HCN4: variants seen among roughly 807,000 people sequenced by gnomAD.
The protein encoded by HCN4 is hyperpolarization activated cyclic nucleotide gated potassium channel 4, also known as potassium/sodium hyperpolarization-activated cyclic nucleotide-gated channel 4.
HCN4 carries 29 observed loss-of-function variants against 76.9 expected under a neutral mutation model. That is an observed-to-expected ratio of 0.38 (90% confidence interval 0.28 to 0.51). The LOEUF (loss-of-function observed/expected upper bound fraction) is 0.51, where lower values mean the gene tolerates loss of function less well. Among genes scored for constraint, HCN4 ranks in the 20% least tolerant of loss-of-function variants. The probability of loss-of-function intolerance (pLI) is 0.90; values close to 1 mark genes in which losing one functional copy is unlikely to be tolerated. For missense variants in HCN4, 1,416 were observed against 1,715.2 expected (o/e 0.83, Z 3.08); for synonymous variants, 772 against 762.5 (o/e 1.01, Z -0.21).
At chr15:73,359,750 C>T (rs943040819) in intron 1 of HCN4, among the ~76,000 whole-genome samples, 4 of 152,198 alleles carry the variant, frequency 2.6e-5, no homozygotes, top group African/African-American at 7.2e-5. Context: ...AGCCCTGATT[C>T]TGGTCACACA....
chr15:73,325,116 G>T lies in HCN4; in HGVS notation c.1817C>A (p.Ser606Tyr). 1 of 1,614,234 alleles carries T rather than the reference G, an allele frequency of 6.2e-7. No individual in the cohort carries two copies. Among genetic ancestry groups the T allele is most frequent in the Non-Finnish European group, 8.5e-7 (1 of 1,180,044 alleles). Residue 606 changes from serine to tyrosine, a missense_variant, in exon 6 of 8, where the codon TCC becomes TAC. Transcript: ENST00000261917. The surrounding 1 kb of genome is among the most constrained non-coding windows in gnomAD (Gnocchi z 7.4). ...FANADPNFVT[S>Y]MLTKLRFEVF... ...CTCGAAACGCAGCTTGGTCAGCATGGACGTCACGAAGTTGGGGTCCGCATT... is the reference window on the plus strand; with the variant it reads ...CTCGAAACGCAGCTTGGTCAGCATGTACGTCACGAAGTTGGGGTCCGCATT...
At chr15:73,323,986 G>A in intron 7 of HCN4, 37 bp from the exon 8 acceptor site, 1 of 1,610,024 alleles carries the variant, frequency 6.2e-7, no homozygotes, top group Non-Finnish European at 8.5e-7. Flanking sequence ...TCAGGGCAGA[G>A]CGGGGAAGGA....
chr15:73,343,316 C>G lies in HCN4; in HGVS notation c.1209+69G>C. Reference sequence around the variant, plus strand: ...AGCCTATGTTCAATTATCTGAGGTTCCCTGCCAGTTCCTCACTCCCTCTGT... The same window carrying G: ...AGCCTATGTTCAATTATCTGAGGTTGCCTGCCAGTTCCTCACTCCCTCTGT... On this transcript the variant is annotated intron_variant, in intron 2 of 7. Transcript: ENST00000261917. The surrounding 1 kb of genome is among the most constrained non-coding windows in gnomAD (Gnocchi z 5.7). 2.7e-6 allele frequency: 4 copies of G among 1,475,800 alleles called. No homozygotes were observed. Among genetic ancestry groups the G allele is most frequent in the Non-Finnish European group, 3.8e-6 (4 of 1,064,756 alleles). The allele number at this position is 1,475,800 out of a possible 1,614,324, so 91.4% of individuals were successfully genotyped here. A position where few individuals can be genotyped will look rare whatever the true frequency, so the allele number is the denominator to read the frequency against.
In HCN4 at chr15:73,325,436, C is replaced by T. The variant is rs1555475630; in HGVS notation, c.1599G>A (p.Gln533=). ...SRRQYQEKYK[Q]VEQYMSFHKL... ...TGTGAAAGGACATGTACTGCTCCAC[C>T]TGCTTGTACTGAGGCCGGGAGAAGG... Residue 533 remains glutamine, a synonymous_variant, in exon 5 of 8, where the codon CAG becomes CAA. Coordinates refer to ENST00000261917, the MANE Select transcript of HCN4 (RefSeq NM_005477.3). The surrounding 1 kb of genome is among the most constrained non-coding windows in gnomAD (Gnocchi z 7.4). 1.9e-6 allele frequency: 3 copies of T among 1,614,108 alleles called. No individual in the cohort carries two copies. In the East Asian group the frequency reaches 6.7e-5, roughly 36 times the overall value.
intron 1 of HCN4, among the ~76,000 whole-genome samples, chr15:73,364,949 A>C (rs1263927669): frequency 6.6e-6 from 1 of 152,216 alleles, no homozygotes; most frequent in East Asian, 1.9e-4. Context: ...TTCTTTATTA[A>C]ACCAGTTCTG....
At position 73,354,444 on chromosome 15, in the gene HCN4, T is replaced by C. The variant is rs60596031; in HGVS notation, c.786-10636A>G. Among the ~76,000 whole-genome samples, 1,050 of 152,298 alleles carry C rather than the reference T, an allele frequency of 6.9e-3. 11 individuals carry two copies. The highest frequency in any genetic ancestry group is 0.024 in the African/African-American group (987 of 41,554). On this transcript the variant is annotated intron_variant, in intron 1 of 7. Coordinates refer to ENST00000261917, the MANE Select transcript of HCN4 (RefSeq NM_005477.3). Reference sequence around the variant, plus strand: ...TGTGCACACACATCACCTGGGGACTTTCTGAGCTGCAGACCTGGTGGACTT... The same window carrying C: ...TGTGCACACACATCACCTGGGGACTCTCTGAGCTGCAGACCTGGTGGACTT...
At chr15:73,338,873 G>A (rs2042981624) in intron 2 of HCN4, among the ~76,000 whole-genome samples, 1 of 152,200 alleles carries the variant, frequency 6.6e-6, no homozygotes, top group Non-Finnish European at 1.5e-5. Flanking sequence ...GTCATGCCGG[G>A]TCCCATCCTG....
At chr15:73,326,090 C>A (rs189866825) in intron 4 of HCN4, among the ~76,000 whole-genome samples, 11 of 151,986 alleles carry the variant, frequency 7.2e-5, no homozygotes, top group African/African-American at 1.2e-4. Context: ...GGGGCTCAAA[C>A]AAATAAGAAA....
rs1472904884 is a variant in HCN4 at position 73,367,339 on chromosome 15, G to A, written c.785+147C>T. Reference sequence around the variant, plus strand: ...AGCGCGGTGCAGGAGGGGGCCTGGGGGTGTCTCGGAGCCTAGAGGCGCCCT... The same window carrying A: ...AGCGCGGTGCAGGAGGGGGCCTGGGAGTGTCTCGGAGCCTAGAGGCGCCCT... On this transcript the variant is annotated intron_variant, in intron 1 of 7. Transcript: ENST00000261917. This position sits in a 1 kb window ranked among gnomAD's most constrained non-coding sequence, Gnocchi z 7.5. The A allele has an allele frequency of 2.4e-5, 30 of 1,233,688 alleles. No homozygotes were observed. The highest frequency in any genetic ancestry group is 3.3e-5 in the Non-Finnish European group (29 of 889,576). 76.4% of individuals were successfully genotyped at this position (1,233,688 alleles called of 1,614,324 possible).
Position 73,368,090 on chromosome 15 carries a change from C to T in HCN4, c.181G>A (p.Ala61Thr). The change falls in exon 1 of 8, where the codon GCC becomes ACC. Residue 61 changes from alanine to threonine, a missense_variant. Ala to Thr is a moderately conservative substitution (Grantham distance 58). Transcript: ENST00000261917. The surrounding 1 kb of genome is among the most constrained non-coding windows in gnomAD (Gnocchi z 6.9). Reference sequence around the variant, plus strand: ...CTCCGGGACTCCGTGCCACCCGCGGCCGCCGAGGGGGAGGGCGAGGGCAGT... The same window carrying T: ...CTCCGGGACTCCGTGCCACCCGCGGTCGCCGAGGGGGAGGGCGAGGGCAGT... ...RPLPSPSPSAAAGGTESRSSA... is the reference protein window; with the variant it reads ...RPLPSPSPSATAGGTESRSSA... The T allele has an allele frequency of 6.7e-7, 1 of 1,493,844 alleles. No individual in the cohort carries two copies. 92.5% of individuals were successfully genotyped at this position (1,493,844 alleles called of 1,614,324 possible).
intron 1 of HCN4, among the ~76,000 whole-genome samples, chr15:73,357,394 C>A (rs1007043560): frequency 6.6e-6 from 1 of 152,110 alleles, no homozygotes; most frequent in Non-Finnish European, 1.5e-5. Context: ...CCTTCCTCTG[C>A]CAATCCCAGA....
rs567805211 is a variant in HCN4 at position 73,319,886 on chromosome 15, A to G, written c.*2595T>C. ...CTGGAATTTTTTTTATTTAAATAAA[A>G]TATACAATACGGCGCATTTACCGGT... is the stretch of plus-strand genomic sequence containing the variant. On this transcript the variant is annotated 3_prime_UTR_variant, in exon 8 of 8. Coordinates refer to ENST00000261917, the MANE Select transcript of HCN4 (RefSeq NM_005477.3). The G allele has an allele frequency of 2.6e-4, 39 of 152,342 alleles. No individual in the cohort carries two copies. The highest frequency in any genetic ancestry group is 7.2e-4 in the Admixed American group (11 of 15,306). 9.4% of individuals were successfully genotyped at this position (152,342 alleles called of 1,614,324 possible). A position where few individuals can be genotyped will look rare whatever the true frequency, so the allele number is the denominator to read the frequency against.
At chr15:73,366,225 G>A (rs771411263) in intron 1 of HCN4, among the ~76,000 whole-genome samples, 1 of 152,176 alleles carries the variant, frequency 6.6e-6, no homozygotes, top group Non-Finnish European at 1.5e-5. Context: ...TTAAGCCACC[G>A]AGTGTTGTCT....
At position 73,322,778 on chromosome 15, in the gene HCN4, G is replaced by A. The variant is rs2042869247; in HGVS notation, c.3315C>T (p.Ser1105=). 2.6e-6 allele frequency: 4 copies of A among 1,556,756 alleles called. No homozygotes were observed. Among genetic ancestry groups the A allele is most frequent in the Non-Finnish European group, 3.5e-6 (4 of 1,150,050 alleles). The change falls in exon 8 of 8, where the codon TCC becomes TCT. Residue 1105 remains serine (S), a synonymous_variant. Transcript: ENST00000261917. ...QDGAQTLRRA[S]PHSSGESMAA... ...CCATGGACTCCCCTGAGGAGTGCGGGGAGGCTCTGCGGAGAGTCTGCGCCC... is the reference window on the plus strand; with the variant it reads ...CCATGGACTCCCCTGAGGAGTGCGGAGAGGCTCTGCGGAGAGTCTGCGCCC...
At chr15:73,349,941 T>C (rs978394720) in intron 1 of HCN4, among the ~76,000 whole-genome samples, 2 of 152,188 alleles carry the variant, frequency 1.3e-5, no homozygotes, top group African/African-American at 2.4e-5. Context: ...CTCCATATCA[T>C]TGACCCAGAC....
In HCN4 at chr15:73,322,930, G is replaced by A. The variant is rs1371747083; in HGVS notation, c.3163C>T (p.Pro1055Ser). 1.4e-6 allele frequency: 2 copies of A among 1,408,800 alleles called. No individual in the cohort carries two copies. Among genetic ancestry groups the A allele is most frequent in the Admixed American group, 2.8e-5 (1 of 35,322 alleles). 87.3% of individuals were successfully genotyped at this position (1,408,800 alleles called of 1,614,324 possible). A position where few individuals can be genotyped will look rare whatever the true frequency, so the allele number is the denominator to read the frequency against. Residue 1055 changes from proline to serine, a missense_variant, in exon 8 of 8, where the codon CCA becomes TCA. This residue lies in a region of HCN4 where 633 missense variants were observed against 579.8 expected (regional missense o/e 1.09). Transcript: ENST00000261917. ...ASGSHGSLLL[P>S]PASSPPPPQV... ...GGTGGTGGGGGGCTGGATGCAGGTG[G>A]CAGGAGCAAGGATCCGTGGGAGCCA...
chr15:73,330,706 G>A (rs1417842080), intron 3 of HCN4, among the ~76,000 whole-genome samples: 1 of 152,210 alleles, frequency 6.6e-6, no homozygotes, highest in African/African-American at 2.4e-5. Flanking sequence ...GCCCCCAGGG[G>A]AAGGCGCAGG....
In HCN4 at chr15:73,323,627, C is replaced by T. The variant is rs746387938; in HGVS notation, c.2466G>A (p.Thr822=). The change falls in exon 8 of 8, where the codon ACG becomes ACA. Residue 822 remains threonine (T), a synonymous_variant. Transcript: ENST00000261917. ...SGLGNLGAGQ[T]PRHLKRLQSL... ...ACTGCAGCCGTTTCAGGTGCCTTGG[C>T]GTCTGCCCGGCACCGAGGTTGCCCA... The T allele has an allele frequency of 1.1e-5, 17 of 1,599,352 alleles. No individual in the cohort carries two copies. Among genetic ancestry groups the T allele is most frequent in the Middle Eastern group, 1.7e-4 (1 of 6,060 alleles).
At chr15:73,353,868 C>G (rs2043065994) in intron 1 of HCN4, among the ~76,000 whole-genome samples, 1 of 152,162 alleles carries the variant, frequency 6.6e-6, no homozygotes, top group South Asian at 2.1e-4. Flanking sequence ...ATAGCCCCAC[C>G]CACTGCCCAA....
Sources: allele counts gnomAD v4.1 joint callset (sites outside exome capture counted in the v4.1 genomes callset), GRCh38; gene constraint gnomAD v4.1.1; regional missense constraint gnomAD v4.1.1; non-coding constraint Gnocchi (gnomAD v3.1); transcripts MANE v1.5; gene names NCBI Gene and HGNC (gene_info 2026-07-23, HGNC 2026-07-21).